CAB39L: variants seen among roughly 807,000 people sequenced by gnomAD.
The protein encoded by CAB39L is calcium-binding protein 39-like.
A neutral mutation model predicts 39.1 loss-of-function variants in CAB39L; 23 were observed. The ratio of observed to expected loss-of-function variants is 0.59; its 90% CI spans 0.42 to 0.83. The LOEUF (loss-of-function observed/expected upper bound fraction) is 0.83, where lower values mean the gene tolerates loss of function less well. Among genes scored for constraint, CAB39L ranks in the 40% least tolerant of loss-of-function variants. The probability of loss-of-function intolerance (pLI) is 0.00; values close to 1 mark genes in which losing one functional copy is unlikely to be tolerated. For missense variants in CAB39L, 366 were observed against 391.9 expected (o/e 0.93, Z 0.56); for synonymous variants, 126 against 137.2 (o/e 0.92, Z 0.57).
At chr13:49,378,276 C>A (rs1247046347) in intron 4 of CAB39L, among the ~76,000 whole-genome samples, 2 of 88,130 alleles carry the variant, frequency 2.3e-5, no homozygotes, top group Non-Finnish European at 2.3e-5. Flanking sequence ...GGGGGTCAAC[C>A]CCCCGCCCGG....
At chr13:49,421,548 C>A (rs371665347) in intron 3 of CAB39L, among the ~76,000 whole-genome samples, 9 of 152,152 alleles carry the variant, frequency 5.9e-5, no homozygotes, top group African/African-American at 1.9e-4. Flanking sequence ...TGCTCCTCCC[C>A]CGACTGCAGG....
At chr13:49,411,427 A>AG in intron 3 of CAB39L, among the ~76,000 whole-genome samples, 1 of 150,880 alleles carries the variant, frequency 6.6e-6, no homozygotes, top group African/African-American at 2.4e-5. Context: ...AAAAAAAAAA[A>AG]GAAAATCCCC....
chr13:49,315,380 C>T (rs911108964), intron 10 of CAB39L, among the ~76,000 whole-genome samples: 1 of 152,042 alleles, frequency 6.6e-6, no homozygotes, highest in South Asian at 2.1e-4. Flanking sequence ...GGTCTACAGC[C>T]ATGGGGTGAC....
intron 4 of CAB39L, among the ~76,000 whole-genome samples, chr13:49,378,610 C>T (rs1956166024): frequency 1.4e-5 from 1 of 70,816 alleles, no homozygotes; most frequent in African/African-American, 8.4e-5. Context: ...CTCCGCCCGG[C>T]CAGCCGCCCC....
intron 7 of CAB39L, among the ~76,000 whole-genome samples, chr13:49,347,353 A>G (rs1955210486): frequency 6.6e-6 from 1 of 152,250 alleles, no homozygotes; most frequent in Admixed American, 6.5e-5. Context: ...ATTACTATCA[A>G]GTACATCTTA....
chr13:49,431,488 C>T (rs1468522226), intron 3 of CAB39L, among the ~76,000 whole-genome samples: 1 of 152,082 alleles, frequency 6.6e-6, no homozygotes, highest in Non-Finnish European at 1.5e-5. Flanking sequence ...GGGTGGATCA[C>T]TTGAGGTCAG....
At chr13:49,406,339 T>TTC (rs1956878157) in intron 3 of CAB39L, among the ~76,000 whole-genome samples, 4 of 147,806 alleles carry the variant, frequency 2.7e-5, no homozygotes, top group Middle Eastern at 3.4e-3. Context: ...AGCTATTTTT[T>TTC]TTTTTTTTTT....
chr13:49,368,086 A>G (rs2138531943), intron 5 of CAB39L, among the ~76,000 whole-genome samples: 1 of 152,356 alleles, frequency 6.6e-6, no homozygotes, highest in Middle Eastern at 3.4e-3. Flanking sequence ...CCTGCAGTGT[A>G]ATATTGCAGA....
At chr13:49,428,864 G>A (rs1957279793) in intron 3 of CAB39L, among the ~76,000 whole-genome samples, 1 of 152,064 alleles carries the variant, frequency 6.6e-6, no homozygotes, top group East Asian at 1.9e-4. Context: ...CAAAAGTTAA[G>A]TAAAAAGCAT....
intron 3 of CAB39L, among the ~76,000 whole-genome samples, chr13:49,427,688 C>CA (rs1280098750): frequency 1.3e-5 from 2 of 151,004 alleles, no homozygotes; most frequent in Non-Finnish European, 3.0e-5. Flanking sequence ...GACCCTAGCT[C>CA]AAAAAAAAAT....
chr13:49,429,030 T>C (rs528645313), intron 3 of CAB39L, among the ~76,000 whole-genome samples: 108 of 152,364 alleles, frequency 7.1e-4, no homozygotes, highest in Non-Finnish European at 1.2e-3. Flanking sequence ...TTCCTCACTA[T>C]AATTATATAG....
Position 49,310,622 on chromosome 13 carries a change from G to T in CAB39L, c.*192C>A. 2 of 493,372 alleles carry T rather than the reference G, an allele frequency of 4.1e-6. No individual in the cohort carries two copies. The highest frequency in any genetic ancestry group is 4.8e-5 in the South Asian group (1 of 20,698). The allele number at this position is 493,372 out of a possible 1,614,324, so 30.6% of individuals were successfully genotyped here. ...ATTTCACATAAATAATCACAGACTT[G>T]ACTAAAATGAATATATTATTCTAGG... On this transcript the variant is annotated 3_prime_UTR_variant, in exon 11 of 11. Transcript: ENST00000409308.
chr13:49,378,041 CGAG>C (rs1388797265), intron 4 of CAB39L, among the ~76,000 whole-genome samples: 2 of 81,858 alleles, frequency 2.4e-5, no homozygotes, highest in Non-Finnish European at 4.9e-5. Flanking sequence ...TCTGCCCGGC[CGAG>C]ACCCCGTCTG....
At chr13:49,437,960 G>A (rs1410393767) in intron 1 of CAB39L, among the ~76,000 whole-genome samples, 1 of 152,050 alleles carries the variant, frequency 6.6e-6, no homozygotes, top group African/African-American at 2.4e-5. Flanking sequence ...AAGTACCTGG[G>A]ACTACAGGTG....
rs564609653 is a variant in CAB39L, at chr13:49,409,940, C to A, written c.-32+23378G>T. On this transcript the variant is annotated intron_variant, in intron 3 of 10. Coordinates refer to ENST00000409308, the MANE Select transcript of CAB39L (RefSeq NM_001079670.3). ...AAAAAAAAAAAAATCCACATAAATACAGTAAGAAGAAAAGCTAAAAGGTGT... is the reference window on the plus strand; with the variant it reads ...AAAAAAAAAAAAATCCACATAAATAAAGTAAGAAGAAAAGCTAAAAGGTGT... Among the ~76,000 whole-genome samples the A allele has an allele frequency of 4.6e-5, 7 of 150,860 alleles. 1 individual carries two copies. Among genetic ancestry groups the A allele is most frequent in the African/African-American group, 1.7e-4 (7 of 41,204 alleles).
intron 1 of CAB39L, among the ~76,000 whole-genome samples, chr13:49,442,807 A>C (rs149542170): frequency 0.51 from 72,183 of 141,436 alleles, 19,931 homozygotes; most frequent in Non-Finnish European, 0.6. Flanking sequence ...AAAAAAAAAA[A>C]AAAAAAAAAA....
At chr13:49,327,055 T>G (rs1327413325) in intron 10 of CAB39L, among the ~76,000 whole-genome samples, 4 of 152,162 alleles carry the variant, frequency 2.6e-5, no homozygotes, top group Admixed American at 2.6e-4. Context: ...AAACTTTTTA[T>G]GAAATAATTC....
At chr13:49,414,989 C>T (rs1323123057) in intron 3 of CAB39L, among the ~76,000 whole-genome samples, 1 of 151,538 alleles carries the variant, frequency 6.6e-6, no homozygotes, top group African/African-American at 2.4e-5. Flanking sequence ...TGAGGTCAGG[C>T]GTTCGAGACC....
chr13:49,434,022 A>T (rs1026742494), intron 2 of CAB39L, 64 bp downstream of exon 2: 2 of 349,440 alleles, frequency 5.7e-6, no homozygotes, highest in African/African-American at 4.4e-5. Context: ...TGTAAAATCT[A>T]TCTCCATCAC....
Sources: allele counts gnomAD v4.1 joint callset (sites outside exome capture counted in the v4.1 genomes callset), GRCh38; gene constraint gnomAD v4.1.1; transcripts MANE v1.5; gene names NCBI Gene and HGNC (gene_info 2026-07-23, HGNC 2026-07-21).